PDE4D: variants seen among roughly 807,000 people sequenced by gnomAD.
PDE4D encodes the protein 3',5'-cyclic-AMP phosphodiesterase 4D.
A neutral mutation model predicts 87.4 loss-of-function variants in PDE4D; 24 were observed. That is an observed-to-expected ratio of 0.27 (90% confidence interval 0.20 to 0.39). The LOEUF (loss-of-function observed/expected upper bound fraction) is 0.39. PDE4D is among the 10% of genes least tolerant of loss of function. The probability of loss-of-function intolerance (pLI) is 1.00; values close to 1 mark genes in which losing one functional copy is unlikely to be tolerated. For synonymous variants in PDE4D, 384 were observed against 383.2 expected, an observed-to-expected ratio of 1.00 and a Z score of -0.02; for missense variants, 714 against 1,041.0, an observed-to-expected ratio of 0.69 and a Z score of 4.32.
At chr5:59,280,674 A>C (rs1765639295) in intron 1 of PDE4D, among the ~76,000 whole-genome samples, 1 of 152,112 alleles carries the variant, frequency 6.6e-6, no homozygotes, top group African/African-American at 2.4e-5. Flanking sequence ...TGAGTGTAAT[A>C]TCCTCAAACT....
intron 1 of PDE4D, among the ~76,000 whole-genome samples, chr5:60,462,706 G>A (rs1198301139): frequency 6.6e-6 from 1 of 152,152 alleles, no homozygotes; most frequent in African/African-American, 2.4e-5. Context: ...CAGCTACACC[G>A]AACTGTAGAA....
chr5:59,168,698 GAAGGA>G (rs1410292904), intron 5 of PDE4D, among the ~76,000 whole-genome samples: 2 of 152,146 alleles, frequency 1.3e-5, no homozygotes, highest in South Asian at 2.1e-4. Context: ...GAGAGGGAGG[GAAGGA>G]GAGAGAAAAA....
chr5:60,402,956 A>T (rs1046552520), intron 1 of PDE4D, among the ~76,000 whole-genome samples: 1 of 152,220 alleles, frequency 6.6e-6, no homozygotes, highest in African/African-American at 2.4e-5. Flanking sequence ...GCATTGCCCC[A>T]TGCCTCAACA....
At chr5:59,050,415 T>G (rs1294682509) in intron 5 of PDE4D, among the ~76,000 whole-genome samples, 1 of 152,234 alleles carries the variant, frequency 6.6e-6, no homozygotes, top group Non-Finnish European at 1.5e-5. Flanking sequence ...GCAACACATA[T>G]GAGTGATAAA....
chr5:59,685,935 T>C (rs1749790869), intron 1 of PDE4D, among the ~76,000 whole-genome samples: 1 of 152,182 alleles, frequency 6.6e-6, no homozygotes, highest in African/African-American at 2.4e-5. Flanking sequence ...AAAATGGTGA[T>C]GTACTTACCT....
rs1041752759 is a variant in PDE4D at position 60,472,009 on chromosome 5, T to C, written c.-90+15933A>G. ...ATGAGCATTTTTACCGATAGTTATA[T>C]GGTTTTGGGCAAACCATGTAACACC... On this transcript the variant is annotated intron_variant, in intron 1 of 16. Transcript: ENST00000502484. 2.4e-4 allele frequency among the ~76,000 whole-genome samples: 37 copies of C among 152,124 alleles called. 1 individual carries two copies. Among genetic ancestry groups the C allele is most frequent in the Admixed American group, 1.3e-4 (2 of 15,268 alleles).
intron 2 of PDE4D, among the ~76,000 whole-genome samples, chr5:59,994,716 T>C (rs1582092990): frequency 6.6e-6 from 1 of 152,114 alleles, no homozygotes; most frequent in South Asian, 2.1e-4. Flanking sequence ...CACTTGCCAA[T>C]CAGAAACACT....
chr5:59,227,631 A>G (rs1156743113), intron 1 of PDE4D, among the ~76,000 whole-genome samples: 1 of 152,222 alleles, frequency 6.6e-6, no homozygotes, highest in Non-Finnish European at 1.5e-5. Context: ...ATGGCCAATA[A>G]GTGTATGAAA....
chr5:59,689,290 T>C (rs1433526009), intron 1 of PDE4D, among the ~76,000 whole-genome samples: 1 of 152,042 alleles, frequency 6.6e-6, no homozygotes. Flanking sequence ...TAGACCAATA[T>C]CCCTGATGAA....
intron 1 of PDE4D, among the ~76,000 whole-genome samples, chr5:60,416,499 C>T (rs900319832): frequency 5.9e-5 from 9 of 152,174 alleles, no homozygotes; most frequent in Non-Finnish European, 1.0e-4. Flanking sequence ...GAACGAACAA[C>T]TCCAGACACC....
chr5:59,424,598 G>A (rs1191496317), intron 1 of PDE4D, among the ~76,000 whole-genome samples: 2 of 152,250 alleles, frequency 1.3e-5, no homozygotes, highest in South Asian at 2.1e-4. Flanking sequence ...CAGGGGAAAT[G>A]CCAGATGCTT....
intron 1 of PDE4D, among the ~76,000 whole-genome samples, chr5:60,290,177 G>C (rs1303828072): frequency 6.6e-6 from 1 of 152,186 alleles, no homozygotes; most frequent in Non-Finnish European, 1.5e-5. Flanking sequence ...ACAGTTGCCA[G>C]TGTGGGGATG....
intron 1 of PDE4D, among the ~76,000 whole-genome samples, chr5:59,486,901 G>A (rs965154934): frequency 2.0e-5 from 3 of 152,186 alleles, no homozygotes; most frequent in Admixed American, 1.3e-4. Context: ...GAAGTAAAAT[G>A]AAAATCATAA....
At chr5:59,836,626 C>CTATCTATCTA (rs143814395) in intron 1 of PDE4D, among the ~76,000 whole-genome samples, 7 of 144,288 alleles carry the variant, frequency 4.9e-5, no homozygotes, top group African/African-American at 1.8e-4. Context: ...ATGTATCTAT[C>CTATCTATCTA]TATCTATCTA....
chr5:59,850,374 C>G (rs760056663), intron 1 of PDE4D, among the ~76,000 whole-genome samples: 1 of 151,940 alleles, frequency 6.6e-6, no homozygotes, highest in Admixed American at 6.6e-5. Flanking sequence ...TAGGAGTGCC[C>G]ATTTGTAAAA....
At chr5:59,143,808 C>G (rs1462700468) in intron 5 of PDE4D, among the ~76,000 whole-genome samples, 1 of 152,162 alleles carries the variant, frequency 6.6e-6, no homozygotes, top group Non-Finnish European at 1.5e-5. Context: ...TATTTGATGT[C>G]CCAGCTGACT....
intron 5 of PDE4D, chr5:59,166,514 C>T (rs576862939): frequency 1.3e-5 from 2 of 152,280 alleles, no homozygotes; most frequent in East Asian, 3.9e-4. Context: ...CCTTCACAAA[C>T]TGCCTAGAAT....
At chr5:59,454,171 T>A (rs536187476) in intron 1 of PDE4D, among the ~76,000 whole-genome samples, 3 of 152,300 alleles carry the variant, frequency 2.0e-5, no homozygotes, top group South Asian at 2.1e-4. Flanking sequence ...TAAAGATTTT[T>A]AAAAATATAT....
chr5:59,631,042 C>T (rs1831504920), intron 1 of PDE4D, among the ~76,000 whole-genome samples: 1 of 152,106 alleles, frequency 6.6e-6, no homozygotes, highest in Non-Finnish European at 1.5e-5. Flanking sequence ...GCAAAAGGCA[C>T]AATTTTTCCA....
Sources: gnomAD v4.1 joint callset for allele counts (sites outside exome capture counted in the v4.1 genomes callset) on GRCh38, gnomAD v4.1.1 for gene constraint, MANE v1.5 for transcripts, NCBI Gene and HGNC (gene_info 2026-07-23, HGNC 2026-07-21) for gene names.